MAP2K1: variants seen among roughly 807,000 people sequenced by gnomAD.
The protein encoded by MAP2K1 is dual specificity mitogen-activated protein kinase kinase 1.
A neutral mutation model predicts 46.3 loss-of-function variants in MAP2K1; 16 were observed. The observed-to-expected ratio is 0.35, with a 90% CI of 0.23 to 0.52. The LOEUF (loss-of-function observed/expected upper bound fraction) is 0.52, where lower values mean the gene tolerates loss of function less well. Among genes scored for constraint, MAP2K1 ranks in the 20% least tolerant of loss-of-function variants. MAP2K1 has a pLI of 0.94. For synonymous variants in MAP2K1, 183 were observed against 185.6 expected, an observed-to-expected ratio of 0.99 and a Z score of 0.11; for missense variants, 263 against 497.1, an observed-to-expected ratio of 0.53 and a Z score of 4.48.
intron 5 of MAP2K1, among the ~76,000 whole-genome samples, chr15:66,449,180 A>C (rs1891968010): frequency 6.6e-6 from 1 of 152,318 alleles, no homozygotes; most frequent in Admixed American, 6.5e-5. Flanking sequence ...TTGTTACACA[A>C]ATATTCATAG....
intron 1 of MAP2K1, among the ~76,000 whole-genome samples, chr15:66,432,959 A>AGTGTGTGTGTGTGT (rs1164509967): frequency 0.055 from 7,309 of 131,874 alleles, 341 homozygotes; most frequent in East Asian, 0.082. Context: ...CATCATGCAC[A>AGTGTGTGTGTGTGT]GTGTGTGTGT....
At chr15:66,462,613 A>AAAAC (rs1399753094) in intron 5 of MAP2K1, among the ~76,000 whole-genome samples, 1 of 152,076 alleles carries the variant, frequency 6.6e-6, no homozygotes, top group Non-Finnish European at 1.5e-5. Context: ...GAAAAAAAAA[A>AAAAC]ATTGGCTAAA....
intron 1 of MAP2K1, among the ~76,000 whole-genome samples, chr15:66,425,823 C>G (rs1047893118): frequency 6.6e-6 from 1 of 152,152 alleles, no homozygotes; most frequent in African/African-American, 2.4e-5. Context: ...AAGGGCACAC[C>G]TTGCAGGGGG....
At chr15:66,469,926 TG>T (rs1324848304) in intron 5 of MAP2K1, among the ~76,000 whole-genome samples, 4 of 151,238 alleles carry the variant, frequency 2.6e-5, no homozygotes, top group African/African-American at 4.9e-5. Flanking sequence ...ACCTTATGTA[TG>T]GAACTGCAGC....
intron 3 of MAP2K1, 38 bp from the exon 4 acceptor site, chr15:66,443,242 A>C: frequency 7.8e-7 from 1 of 1,283,778 alleles, no homozygotes; most frequent in South Asian, 1.2e-5. Flanking sequence ...GAATAGTTAG[A>C]ACATTGTCAC....
chr15:66,487,899 T>C (rs1184229336), intron 8 of MAP2K1, among the ~76,000 whole-genome samples: 1 of 152,168 alleles, frequency 6.6e-6, no homozygotes, highest in Admixed American at 6.5e-5. Flanking sequence ...CGTCTCCTAG[T>C]GTGCACTGCT....
intron 5 of MAP2K1, among the ~76,000 whole-genome samples, chr15:66,460,401 A>C (rs911162566): frequency 5.3e-5 from 8 of 152,172 alleles, no homozygotes; most frequent in Admixed American, 3.9e-4. Flanking sequence ...TAGAAGTTAT[A>C]TATGTGGCAG....
intron 7 of MAP2K1, among the ~76,000 whole-genome samples, chr15:66,486,547 G>C (rs1225303426): frequency 6.6e-6 from 1 of 152,188 alleles, no homozygotes; most frequent in Non-Finnish European, 1.5e-5. Flanking sequence ...AGGCCACATA[G>C]GCTTGCAAGT....
chr15:66,419,313 G>A, intron 1 of MAP2K1, among the ~76,000 whole-genome samples: 1 of 151,736 alleles, frequency 6.6e-6, no homozygotes, highest in East Asian at 2.0e-4. Flanking sequence ...TGAGGTCAGG[G>A]ATTCAAGACC....
intron 5 of MAP2K1, among the ~76,000 whole-genome samples, chr15:66,469,609 C>A (rs1223491809): frequency 7.0e-6 from 1 of 143,478 alleles, no homozygotes; most frequent in East Asian, 2.1e-4. Context: ...ATTCTGTCAA[C>A]TGAGAAGAAG....
intron 6 of MAP2K1, among the ~76,000 whole-genome samples, chr15:66,483,748 C>CTTTTTTTTTTTTTT (rs750947705): frequency 7.6e-6 from 1 of 131,128 alleles, no homozygotes. Flanking sequence ...CATACATTTT[C>CTTTTTTTTTTTTTT]TTTTTTTTTT....
intron 1 of MAP2K1, among the ~76,000 whole-genome samples, chr15:66,414,149 A>G (rs1432831630): frequency 1.3e-5 from 2 of 151,964 alleles, no homozygotes; most frequent in African/African-American, 4.8e-5. Flanking sequence ...CAAAAAATAG[A>G]TTTATAATCC....
intron 5 of MAP2K1, among the ~76,000 whole-genome samples, chr15:66,478,644 G>A (rs1892839483): frequency 6.6e-6 from 1 of 151,476 alleles, no homozygotes; most frequent in Non-Finnish European, 1.5e-5. Context: ...GATTACAGGT[G>A]ATGTGCTACC....
chr15:66,445,141 G>A (rs902922536), intron 5 of MAP2K1, among the ~76,000 whole-genome samples: 2 of 146,074 alleles, frequency 1.4e-5, no homozygotes, highest in Non-Finnish European at 3.1e-5. Flanking sequence ...GGAGGCCGAG[G>A]GGCAGCGGGG....
intron 5 of MAP2K1, among the ~76,000 whole-genome samples, chr15:66,480,376 C>T (rs1159829111): frequency 6.6e-6 from 1 of 152,170 alleles, no homozygotes; most frequent in Non-Finnish European, 1.5e-5. Flanking sequence ...AGGTGTGAGG[C>T]ATCGCCCGGC....
chr15:66,489,730 C>T lies in MAP2K1; in HGVS notation c.1035C>T (p.Asn345=), dbSNP rs1893178526. The T allele has an allele frequency of 5.0e-6, 8 of 1,613,828 alleles. No individual in the cohort carries two copies. The highest frequency in any genetic ancestry group is 6.8e-6 in the Non-Finnish European group (8 of 1,179,696). The change falls in exon 10 of 11, where the codon AAC becomes AAT. Residue 345 remains asparagine (N), a synonymous_variant. Coordinates refer to ENST00000307102, the MANE Select transcript of MAP2K1 (RefSeq NM_002755.4). The part of the protein sequence containing the change: ...QDFVNKCLIK[N]PAERADLKQL... ...TTCTTCCTTTAAGCTTAATAAAAAA[C>T]CCCGCAGAGAGAGCAGATTTGAAGC...
chr15:66,415,200 C>T (rs931734896), intron 1 of MAP2K1: 21 of 503,748 alleles, frequency 4.2e-5, no homozygotes, highest in South Asian at 2.5e-4. Context: ...CTGATGCCAT[C>T]TTGGAGTCCT....
chr15:66,464,735 C>T (rs570600449), intron 5 of MAP2K1, among the ~76,000 whole-genome samples: 35 of 151,518 alleles, frequency 2.3e-4, no homozygotes, highest in East Asian at 8.0e-4. Flanking sequence ...ATGTTGGTCA[C>T]GCTGTGGTCT....
chr15:66,446,155 G>A (rs567412784), intron 5 of MAP2K1, among the ~76,000 whole-genome samples: 2 of 152,292 alleles, frequency 1.3e-5, no homozygotes, highest in East Asian at 3.9e-4. Flanking sequence ...GGGAGGCAGA[G>A]GTCGCAGTGA....
Sources: allele counts gnomAD v4.1 joint callset (sites outside exome capture counted in the v4.1 genomes callset), GRCh38; gene constraint gnomAD v4.1.1; transcripts MANE v1.5; gene names NCBI Gene and HGNC (gene_info 2026-07-23, HGNC 2026-07-21).